Variants in TUBE1 observed in about 807,000 individuals in gnomAD.
TUBE1 encodes tubulin epsilon 1, also known as tubulin epsilon chain.
TUBE1 carries 34 observed loss-of-function variants against 53.5 expected under a neutral mutation model. That is an observed-to-expected ratio of 0.64 (90% CI 0.48 to 0.85). The LOEUF (loss-of-function observed/expected upper bound fraction) is 0.85. TUBE1 is among the 40% of genes least tolerant of loss of function. The pLI, the probability that TUBE1 is intolerant of heterozygous loss-of-function variation, is 0.00. For synonymous variants in TUBE1, 177 were observed against 198.4 expected (o/e 0.89, Z 0.91); for missense variants, 532 against 570.5 (o/e 0.93, Z 0.69).
chr6:112,084,080 T>C, intron 4 of TUBE1, 109 bp downstream of exon 4: 1 of 832,204 alleles, frequency 1.2e-6, no homozygotes, highest in Non-Finnish European at 2.0e-6. Context: ...TGTGGCTTAG[T>C]AATTTTTTTC....
At position 112,083,584 on chromosome 6, in the gene TUBE1, C is replaced by T. The variant is rs192845922; in HGVS notation, c.210+605G>A. Among the ~76,000 whole-genome samples, 797 of 152,258 alleles carry T rather than the reference C, an allele frequency of 5.2e-3. 9 individuals are homozygous for T. Among genetic ancestry groups the T allele is most frequent in the African/African-American group, 0.019 (770 of 41,558 alleles). On this transcript the variant is annotated intron_variant, in intron 4 of 11. Transcript: ENST00000368662. ...CTGCCCGCTTCGGCCTCCCAAAGTGCTGGGATTACAGGCGTGAGCCACCGC... is the reference window on the plus strand; with the variant it reads ...CTGCCCGCTTCGGCCTCCCAAAGTGTTGGGATTACAGGCGTGAGCCACCGC...
chr6:112,071,246 C>A lies in TUBE1; in HGVS notation c.*166G>T, dbSNP rs1016656509. The A allele has an allele frequency of 3.6e-6, 2 of 562,636 alleles. No homozygotes were observed. Among genetic ancestry groups the A allele is most frequent in the South Asian group, 8.7e-5 (2 of 22,948 alleles). 34.9% of individuals were successfully genotyped at this position (562,636 alleles called of 1,614,324 possible). ...GTACTAAGATTTCACTAATTTCACACATTGGTATTACCAACAAATTGCGAT... is the reference window on the plus strand; with the variant it reads ...GTACTAAGATTTCACTAATTTCACAAATTGGTATTACCAACAAATTGCGAT... On this transcript the variant is annotated 3_prime_UTR_variant, in exon 12 of 12. Coordinates refer to ENST00000368662, the MANE Select transcript of TUBE1 (RefSeq NM_016262.5).
chr6:112,080,746 T>A (rs1390480808), intron 5 of TUBE1, among the ~76,000 whole-genome samples: 1 of 152,054 alleles, frequency 6.6e-6, no homozygotes, highest in Non-Finnish European at 1.5e-5. Context: ...CTACCAATTG[T>A]ATTACATCTG....
chr6:112,072,026 G>A lies in TUBE1; in HGVS notation c.1145C>T (p.Thr382Ile). The change falls in exon 11 of 12, where the codon ACC becomes ATC. Residue 382 changes from threonine (T) to isoleucine (I), a missense_variant. By Grantham distance (89) the Thr-to-Ile change is moderately conservative. Transcript: ENST00000368662. The part of the protein sequence containing the change: ...FVSWNQEGWK[T>I]SLCSVPPVGH... ...CACAGGAGGTACGGAACACAGGCTG[G>A]TCTTCCAGCCTTCTTGATTCCAGGA... 6.2e-7 allele frequency: 1 copy of A among 1,610,522 alleles called. No individual in the cohort carries two copies. The highest frequency in any genetic ancestry group is 8.5e-7 in the Non-Finnish European group (1 of 1,178,654).
Position 112,079,739 on chromosome 6 carries a change from T to G in TUBE1, c.342A>C (p.Lys114Asn). The G allele has an allele frequency of 1.2e-6, 2 of 1,607,942 alleles. No individual in the cohort carries two copies. Among genetic ancestry groups the G allele is most frequent in the Non-Finnish European group, 1.7e-6 (2 of 1,177,856 alleles). The change falls in exon 6 of 12, where the codon AAA (lysine) becomes AAC (asparagine). Residue 114 changes from lysine to asparagine, a missense_variant. Physicochemically the swap from Lys to Asn is moderately conservative, Grantham distance 94 (BLOSUM62 0). Coordinates refer to ENST00000368662, the MANE Select transcript of TUBE1 (RefSeq NM_016262.5). Reference sequence around the variant, plus strand: ...GGTCTTGGTAAAGACTGCCGAAAACTTTGTGACCCACGGCCCTGAAAATTA... The same window carrying G: ...GGTCTTGGTAAAGACTGCCGAAAACGTTGTGACCCACGGCCCTGAAAATTA... Reference protein sequence around the residue: ...GSGNNWAVGHKVFGSLYQDQI... With the variant: ...GSGNNWAVGHNVFGSLYQDQI...
Position 112,076,195 on chromosome 6 carries a change from C to T in TUBE1, c.637-83G>A, listed in dbSNP as rs781883285. On this transcript the variant is annotated intron_variant, in intron 7 of 11. Transcript: ENST00000368662. The stretch of plus-strand genomic sequence containing the variant: ...TTCTACTAGGAAAGAGAAAGAAAAA[C>T]AATTTAAACTGATTTTTTCTCTAAG... 4.0e-6 allele frequency: 6 copies of T among 1,482,466 alleles called. No homozygotes were observed. The Admixed American group carries it at 1.3e-4, about 32-fold the overall frequency. The allele number at this position is 1,482,466 out of a possible 1,614,324, so 91.8% of individuals were successfully genotyped here.
intron 3 of TUBE1, 113 bp from the exon 4 acceptor site, chr6:112,084,359 G>A: frequency 2.5e-6 from 2 of 810,364 alleles, no homozygotes; most frequent in Non-Finnish European, 4.1e-6. Flanking sequence ...GGCCAGGTAA[G>A]GCAGACACAA....
At chr6:112,079,936 TAAC>T (rs373818560) in intron 5 of TUBE1, among the ~76,000 whole-genome samples, 182 bp from the exon 6 acceptor site, 165 of 151,898 alleles carry the variant, frequency 1.1e-3, no homozygotes, top group African/African-American at 3.8e-3. Context: ...ATAGAAAACT[TAAC>T]AAATATTCAG....
In TUBE1 at chr6:112,071,225, T is replaced by C; in HGVS notation, c.*187A>G. 2.0e-6 allele frequency: 1 copy of C among 504,478 alleles called. No homozygotes were observed. The highest frequency in any genetic ancestry group is 3.4e-6 in the Non-Finnish European group (1 of 295,438). The allele number at this position is 504,478 out of a possible 1,614,324, so 31.3% of individuals were successfully genotyped here. ...AGAGAAATGTTTGAAGTTAAGGTAC[T>C]AAGATTTCACTAATTTCACACATTG... On this transcript the variant is annotated 3_prime_UTR_variant, in exon 12 of 12. Transcript: ENST00000368662.
At chr6:112,074,608 G>T in intron 9 of TUBE1, 102 bp downstream of exon 9, 2 of 809,226 alleles carry the variant, frequency 2.5e-6, no homozygotes, top group Non-Finnish European at 3.5e-6. Context: ...CAGATAAGAT[G>T]ATACAATTAA....
intron 7 of TUBE1, 103 bp downstream of exon 7, chr6:112,076,219 A>C (rs782473924): frequency 1.1e-5 from 16 of 1,471,648 alleles, no homozygotes; most frequent in Non-Finnish European, 1.5e-5. Context: ...TTTTTCTCTA[A>C]GAAGGCTGAA....
rs182728664 is a variant in TUBE1, at chr6:112,076,834, C to A, written c.449-325G>T. On this transcript the variant is annotated intron_variant, in intron 6 of 11. Coordinates refer to ENST00000368662, the MANE Select transcript of TUBE1 (RefSeq NM_016262.5). The stretch of plus-strand genomic sequence containing the variant: ...GCTTCTGCCTTGGCCTCCCAAAGTG[C>A]TGGAATTACAGGCATGAGCCACCAC... The A allele has an allele frequency of 3.4e-5, 6 of 176,720 alleles. No homozygotes were observed. In the East Asian group the frequency reaches 8.5e-4, roughly 25 times the overall value. 10.9% of individuals were successfully genotyped at this position (176,720 alleles called of 1,614,324 possible).
chr6:112,070,843 TAATACA>T lies in TUBE1; in HGVS notation c.*563_*568del, dbSNP rs1408218923. The T allele has an allele frequency of 6.6e-6, 1 of 152,140 alleles. No individual in the cohort carries two copies. Among genetic ancestry groups the T allele is most frequent in the Non-Finnish European group, 1.5e-5 (1 of 68,002 alleles). The allele number at this position is 152,140 out of a possible 1,614,324, so 9.4% of individuals were successfully genotyped here. A position where few individuals can be genotyped will look rare whatever the true frequency, so the allele number is the denominator to read the frequency against. On this transcript the variant is annotated 3_prime_UTR_variant, in exon 12 of 12. Transcript: ENST00000368662. ...TAAGAAAGCAATTATTTAAAAAGTTTAATACAAATACATGTTAAGTGTACAAATTAG... is the reference window on the plus strand; with the variant it reads ...TAAGAAAGCAATTATTTAAAAAGTTTAATACATGTTAAGTGTACAAATTAG...
At position 112,087,290 on chromosome 6, in the gene TUBE1, G is replaced by C; in HGVS notation, c.42C>G (p.Asn14Lys). Reference sequence around the variant, plus strand: ...GGTCCCAGAAGCAGCAGCCGATCTGGTTTCCGCACTGGCCGACTGCGACCG... The same window carrying C: ...GGTCCCAGAAGCAGCAGCCGATCTGCTTTCCGCACTGGCCGACTGCGACCG... ...SVVVQVGQCG[N>K]QIGCCFWDLA... Residue 14 changes from asparagine to lysine, a missense_variant, in exon 2 of 12, where the codon AAC becomes AAG. Physicochemically the swap from Asn to Lys is moderately conservative, Grantham distance 94. Transcript: ENST00000368662. The C allele has an allele frequency of 6.4e-7, 1 of 1,552,704 alleles. No homozygotes were observed. The highest frequency in any genetic ancestry group is 1.4e-5 in the African/African-American group (1 of 73,238).
chr6:112,071,075 A>C lies in TUBE1; in HGVS notation c.*337T>G, dbSNP rs1776849276. 1 of 153,114 alleles carries C rather than the reference A, an allele frequency of 6.5e-6. No individual in the cohort carries two copies. The allele number at this position is 153,114 out of a possible 1,614,324, so 9.5% of individuals were successfully genotyped here. A position where few individuals can be genotyped will look rare whatever the true frequency, so the allele number is the denominator to read the frequency against. On this transcript the variant is annotated 3_prime_UTR_variant, in exon 12 of 12. Transcript: ENST00000368662. ...ATATAAATTATAAATAATTATAAAA[A>C]TATATCTGTACAAGATTTTTATTGA...
At chr6:112,073,318 G>A (rs1025489246) in intron 9 of TUBE1, among the ~76,000 whole-genome samples, 12 of 152,032 alleles carry the variant, frequency 7.9e-5, no homozygotes, top group African/African-American at 2.9e-4. Flanking sequence ...ACTTTGTAAA[G>A]TATATTATAT....
intron 9 of TUBE1, among the ~76,000 whole-genome samples, chr6:112,073,733 A>G (rs1315273316): frequency 1.3e-5 from 2 of 152,236 alleles, no homozygotes; most frequent in Non-Finnish European, 2.9e-5. Flanking sequence ...TTAGTTATAA[A>G]AAAGAATCTT....
intron 6 of TUBE1, 106 bp downstream of exon 6, chr6:112,079,527 G>T: frequency 8.4e-7 from 1 of 1,188,512 alleles, no homozygotes; most frequent in Non-Finnish European, 1.2e-6. Flanking sequence ...CCTCCGAATA[G>T]TTCTATCTTT....
At chr6:112,071,647 T>A in intron 11 of TUBE1, 77 bp from the exon 12 acceptor site, 1 of 1,237,872 alleles carries the variant, frequency 8.1e-7, no homozygotes, top group Non-Finnish European at 1.1e-6. Flanking sequence ...AGGTAAATAT[T>A]CCTTATTAAA....
Sources: allele counts gnomAD v4.1 joint callset (sites outside exome capture counted in the v4.1 genomes callset), GRCh38; gene constraint gnomAD v4.1.1; transcripts MANE v1.5; gene names NCBI Gene and HGNC (gene_info 2026-07-23, HGNC 2026-07-21).